Variants in SH3GL3 observed in about 807,000 individuals in gnomAD.
SH3GL3 encodes the protein endophilin-A3.
A neutral mutation model predicts 47.7 loss-of-function variants in SH3GL3; 33 were observed. The ratio of observed to expected loss-of-function variants is 0.69; its 90% CI spans 0.52 to 0.92. The LOEUF (loss-of-function observed/expected upper bound fraction) is 0.92, where lower values mean the gene tolerates loss of function less well. SH3GL3 is among the 40% of genes least tolerant of loss of function. The pLI, the probability that SH3GL3 is intolerant of heterozygous loss-of-function variation, is 0.00. For synonymous variants in SH3GL3, 155 were observed against 148.8 expected, an observed-to-expected ratio of 1.04 and a Z score of -0.30; for missense variants, 363 against 417.8, an observed-to-expected ratio of 0.87 and a Z score of 1.14.
In SH3GL3 at chr15:83,591,964, G is replaced by C. The variant is rs547120022; in HGVS notation, c.838+3193G>C. Among the ~76,000 whole-genome samples, 45 of 152,122 alleles carry C rather than the reference G, an allele frequency of 3.0e-4. No individual in the cohort carries two copies. The South Asian group carries it at 9.1e-3, about 31-fold the overall frequency. ...CTGGGATTACAGCTGTGAGCCACCA[G>C]GCCGGGCCATGTGTATACATTTTTA... On this transcript the variant is annotated intron_variant, in intron 8 of 8. Coordinates refer to ENST00000427482, the MANE Select transcript of SH3GL3 (RefSeq NM_003027.5).
chr15:83,493,724 T>A (rs934362458), intron 1 of SH3GL3, among the ~76,000 whole-genome samples: 1 of 147,174 alleles, frequency 6.8e-6, no homozygotes, highest in Non-Finnish European at 1.5e-5. Context: ...CGCCATGCAA[T>A]CATAACCCAC....
At position 83,618,642 on chromosome 15, in the gene SH3GL3, TTG is replaced by T. The variant is rs2060890106; in HGVS notation, c.*357_*358del. 1 of 232,546 alleles carries T rather than the reference TTG, an allele frequency of 4.3e-6. No individual in the cohort carries two copies. The highest frequency in any genetic ancestry group is 5.1e-5 in the Admixed American group (1 of 19,660). 14.4% of individuals were successfully genotyped at this position (232,546 alleles called of 1,614,324 possible). On this transcript the variant is annotated 3_prime_UTR_variant, in exon 9 of 9. Transcript: ENST00000427482. ...TTGAAACTAAGAAATGCTAAATATT[TTG>T]TTTCTCGACATTCCTGATGACGTCT...
At chr15:83,460,059 TCCCTCCCTC>T (rs1596015110) in intron 1 of SH3GL3, among the ~76,000 whole-genome samples, 93 of 43,336 alleles carry the variant, frequency 2.1e-3, no homozygotes, top group South Asian at 4.5e-3. Context: ...CCTCCCTGCC[TCCCTCCCTC>T]CCTTCCTTCC....
At chr15:83,579,113 A>T (rs575329047) in intron 6 of SH3GL3, among the ~76,000 whole-genome samples, 34 of 152,170 alleles carry the variant, frequency 2.2e-4, no homozygotes, top group Non-Finnish European at 4.7e-4. Context: ...GGATCCCTTC[A>T]TTATAAAAGC....
intron 1 of SH3GL3, among the ~76,000 whole-genome samples, chr15:83,490,408 C>T (rs1487620699): frequency 6.6e-6 from 1 of 152,118 alleles, no homozygotes; most frequent in Admixed American, 6.5e-5. Flanking sequence ...AGGACTCAGC[C>T]TCCTCTCAGA....
intron 8 of SH3GL3, among the ~76,000 whole-genome samples, chr15:83,614,478 C>G (rs1043804600): frequency 6.6e-6 from 1 of 152,042 alleles, no homozygotes; most frequent in Non-Finnish European, 1.5e-5. Flanking sequence ...CTACCATTAC[C>G]CCCTTCTCTT....
chr15:83,521,917 G>T (rs2043221262), intron 1 of SH3GL3, among the ~76,000 whole-genome samples: 1 of 152,146 alleles, frequency 6.6e-6, no homozygotes, highest in Non-Finnish European at 1.5e-5. Flanking sequence ...ATTCATTTTT[G>T]AGGTCAAGGC....
chr15:83,573,864 G>A (rs1385841431), intron 5 of SH3GL3, among the ~76,000 whole-genome samples: 3 of 152,250 alleles, frequency 2.0e-5, no homozygotes, highest in Non-Finnish European at 2.9e-5. Flanking sequence ...GCATGCCCTT[G>A]TGAAGCTCAC....
At chr15:83,456,637 A>G (rs934937100) in intron 1 of SH3GL3, among the ~76,000 whole-genome samples, 119 of 138,266 alleles carry the variant, frequency 8.6e-4, no homozygotes, top group Non-Finnish European at 1.4e-3. Context: ...TGCGCTTCCC[A>G]GGTGAGGCAA....
intron 1 of SH3GL3, among the ~76,000 whole-genome samples, chr15:83,516,921 A>G (rs1343014050): frequency 6.6e-6 from 1 of 151,890 alleles, no homozygotes; most frequent in Non-Finnish European, 1.5e-5. Flanking sequence ...TTTTTTAAAG[A>G]TACATCCATG....
At chr15:83,516,026 A>G (rs1254279779) in intron 1 of SH3GL3, among the ~76,000 whole-genome samples, 1 of 151,644 alleles carries the variant, frequency 6.6e-6, no homozygotes, top group African/African-American at 2.4e-5. Context: ...AAAATAAAAA[A>G]CAGACCAAGA....
intron 1 of SH3GL3, among the ~76,000 whole-genome samples, chr15:83,512,294 A>C (rs2042790968): frequency 6.6e-6 from 1 of 152,176 alleles, no homozygotes. Flanking sequence ...GTTTAAGTCA[A>C]TTAAGACAAA....
chr15:83,576,922 T>TTTTTTTTTTTTTA (rs2151782608), intron 6 of SH3GL3, among the ~76,000 whole-genome samples, 181 bp downstream of exon 6: 1 of 31,176 alleles, frequency 3.2e-5, no homozygotes, highest in South Asian at 7.0e-4. Flanking sequence ...AAAATCATAA[T>TTTTTTTTTTTTTA]TTTTTTTTTT....
intron 2 of SH3GL3, 108 bp from the exon 3 acceptor site, chr15:83,565,026 A>G (rs2045466778): frequency 1.8e-6 from 1 of 548,176 alleles, no homozygotes; most frequent in Non-Finnish European, 3.2e-6. Context: ...TAAAATCATC[A>G]TAATCGTGTT....
intron 1 of SH3GL3, among the ~76,000 whole-genome samples, chr15:83,517,828 G>T (rs2043049377): frequency 6.6e-6 from 1 of 151,982 alleles, no homozygotes; most frequent in African/African-American, 2.4e-5. Context: ...GAGGTTTGGG[G>T]TACAGTTAAT....
chr15:83,586,954 C>T, intron 6 of SH3GL3, 29 bp from the exon 7 acceptor site: 3 of 1,325,600 alleles, frequency 2.3e-6, no homozygotes, highest in Non-Finnish European at 2.1e-6. Context: ...CTCGGGCCTC[C>T]ATGGAATAAT....
intron 1 of SH3GL3, among the ~76,000 whole-genome samples, chr15:83,492,971 A>G (rs2041937162): frequency 6.6e-6 from 1 of 152,240 alleles, no homozygotes; most frequent in Admixed American, 6.5e-5. Context: ...AAATCAATCC[A>G]TGGAACAAGT....
At chr15:83,629,232 A>G in the SH3GL3 span, among the ~76,000 whole-genome samples, 1 of 152,338 alleles carries the variant, frequency 6.6e-6, no homozygotes, top group South Asian at 2.1e-4. Flanking sequence ...CTTATTCTAA[A>G]ATTATACAGA....
intron 4 of SH3GL3, 42 bp downstream of exon 4, chr15:83,568,714 C>T (rs1245909001): frequency 6.5e-7 from 1 of 1,537,240 alleles, no homozygotes; most frequent in Non-Finnish European, 9.0e-7. Flanking sequence ...GAGAACTCCT[C>T]CAGTATGGTT....
Sources: allele counts gnomAD v4.1 joint callset (sites outside exome capture counted in the v4.1 genomes callset), GRCh38; gene constraint gnomAD v4.1.1; transcripts MANE v1.5; gene names NCBI Gene and HGNC (gene_info 2026-07-23, HGNC 2026-07-21).